The following AHRR variants were observed in gnomAD, a reference collection of about 807,000 sequenced individuals.
AHRR encodes the protein aryl hydrocarbon receptor repressor.
Under a neutral mutation model 44.0 loss-of-function variants are expected in AHRR, and 28 were observed. That is an observed-to-expected ratio of 0.64 (90% CI 0.47 to 0.87). The LOEUF (loss-of-function observed/expected upper bound fraction) is 0.87. Among genes scored for constraint, AHRR ranks in the 40% least tolerant of loss-of-function variants. The probability of loss-of-function intolerance (pLI) is 0.00; values close to 1 mark genes in which losing one functional copy is unlikely to be tolerated. For missense variants in AHRR, 990 were observed against 953.9 expected (o/e 1.04, Z -0.50); for synonymous variants, 434 against 407.0 (o/e 1.07, Z -0.80).
At chr5:328,029 G>A (rs1202527608) in intron 1 of AHRR, among the ~76,000 whole-genome samples, 4 of 152,062 alleles carry the variant, frequency 2.6e-5, no homozygotes, top group African/African-American at 7.2e-5. Context: ...GTGAGAACAT[G>A]CGGTGTTTGT....
intron 4 of AHRR, among the ~76,000 whole-genome samples, chr5:384,039 T>C (rs1280116757): frequency 6.6e-6 from 1 of 152,006 alleles, no homozygotes; most frequent in Non-Finnish European, 1.5e-5. Context: ...TGTGTTTGGG[T>C]CATGTGTCAT....
At chr5:379,222 G>C (rs1579643171) in intron 4 of AHRR, among the ~76,000 whole-genome samples, 1 of 152,182 alleles carries the variant, frequency 6.6e-6, no homozygotes. Flanking sequence ...CTGGTTTCTT[G>C]TTGTTGCTGC....
intron 8 of AHRR, among the ~76,000 whole-genome samples, chr5:428,347 C>G (rs57481959): frequency 0.1 from 15,801 of 152,286 alleles, 950 homozygotes; most frequent in Admixed American, 0.19. Flanking sequence ...CTTGGCTGCC[C>G]GCCCTTCACA....
chr5:433,829 A>C, intron 10 of AHRR, 24 bp from the exon 11 acceptor site: 1 of 1,475,826 alleles, frequency 6.8e-7, no homozygotes, highest in Non-Finnish European at 9.0e-7. Flanking sequence ...CTGCTGTCAA[A>C]TGGGCCCCGT....
chr5:432,368 C>G (rs995613988), intron 8 of AHRR, 95 bp from the exon 9 acceptor site: 7 of 1,225,838 alleles, frequency 5.7e-6, no homozygotes, highest in Non-Finnish European at 8.4e-6. Context: ...ACAGCAATAC[C>G]TGTCATTATT....
chr5:365,099 G>T (rs1042657830), intron 3 of AHRR, among the ~76,000 whole-genome samples: 2 of 151,504 alleles, frequency 1.3e-5, no homozygotes, highest in African/African-American at 4.9e-5. Context: ...GTAAATAAAA[G>T]CCAGTAAAGG....
At position 421,370 on chromosome 5, in the gene AHRR, C is replaced by T. The variant is rs372277656; in HGVS notation, c.442-1359C>T. ...GTATCATCCCTCCACGTGGAGTCCG[C>T]GCACAGTACCAGCCCCCACACGGAG... On this transcript the variant is annotated intron_variant, in intron 5 of 10. Coordinates refer to ENST00000684583, the MANE Select transcript of AHRR (RefSeq NM_001377236.1). 97 of 661,654 alleles carry T rather than the reference C, an allele frequency of 1.5e-4. 1 individual carries two copies. The highest frequency in any genetic ancestry group is 1.5e-3 in the East Asian group (51 of 34,844). The allele number at this position is 661,654 out of a possible 1,614,324, so 41.0% of individuals were successfully genotyped here.
At chr5:428,293 C>T (rs1484885508) in intron 8 of AHRR, among the ~76,000 whole-genome samples, 2 of 152,238 alleles carry the variant, frequency 1.3e-5, no homozygotes, top group Non-Finnish European at 2.9e-5. Flanking sequence ...CCCGTGTCCT[C>T]AAGAAAATGC....
chr5:323,041 A>T (rs1741559439), intron 1 of AHRR, among the ~76,000 whole-genome samples: 1 of 152,004 alleles, frequency 6.6e-6, no homozygotes, highest in African/African-American at 2.4e-5. Context: ...GCCCTGGCCG[A>T]CCCCTCTGTC....
intron 3 of AHRR, among the ~76,000 whole-genome samples, chr5:362,413 G>A (rs935077183): frequency 4.6e-5 from 7 of 152,216 alleles, no homozygotes; most frequent in Non-Finnish European, 8.8e-5. Flanking sequence ...TTCTCATCCT[G>A]CGGTGGGCAT....
chr5:375,532 C>T (rs553547824), intron 3 of AHRR, among the ~76,000 whole-genome samples: 3 of 152,364 alleles, frequency 2.0e-5, no homozygotes, highest in African/African-American at 4.8e-5. Context: ...CCGTGAAGGA[C>T]GGTGTGCTGG....
At chr5:382,591 A>G (rs1734028489) in intron 4 of AHRR, among the ~76,000 whole-genome samples, 1 of 151,900 alleles carries the variant, frequency 6.6e-6, no homozygotes, top group African/African-American at 2.4e-5. Flanking sequence ...TTTTTCAAAG[A>G]AGCAGCTATT....
At chr5:336,154 C>A (rs1217608793) in intron 1 of AHRR, among the ~76,000 whole-genome samples, 1 of 152,220 alleles carries the variant, frequency 6.6e-6, no homozygotes, top group Non-Finnish European at 1.5e-5. Flanking sequence ...CTCAGTCTCC[C>A]TAAATCCGAT....
intron 3 of AHRR, among the ~76,000 whole-genome samples, chr5:374,433 G>A (rs1743706286): frequency 6.6e-6 from 1 of 152,276 alleles, no homozygotes; most frequent in South Asian, 2.1e-4. Flanking sequence ...GGCTGAGCCT[G>A]GAGGGCAGGA....
At chr5:328,254 G>GTTTT (rs1741783616) in intron 1 of AHRR, among the ~76,000 whole-genome samples, 2 of 76,036 alleles carry the variant, frequency 2.6e-5, no homozygotes, top group African/African-American at 1.0e-4. Context: ...ACCAACATCT[G>GTTTT]ATTTTTTTTT....
rs113849153 is a variant in AHRR at position 430,117 on chromosome 5, A to G, written c.908+2111A>G. ...GTGGCAGGCGCGTTGGGGTGATCTT[A>G]AGTTGCAGTCACGTGTGTTGCCTTG... On this transcript the variant is annotated intron_variant, in intron 8 of 10. Coordinates refer to ENST00000684583, the MANE Select transcript of AHRR (RefSeq NM_001377236.1). Among the ~76,000 whole-genome samples, 68 of 152,254 alleles carry G rather than the reference A, an allele frequency of 4.5e-4. No homozygotes were observed. In the Middle Eastern group the frequency reaches 0.01, roughly 23 times the overall value.
At chr5:418,203 A>G (rs1369915141) in intron 5 of AHRR, among the ~76,000 whole-genome samples, 1 of 152,222 alleles carries the variant, frequency 6.6e-6, no homozygotes, top group Non-Finnish European at 1.5e-5. Context: ...ACTAAAGTAA[A>G]GACTGTCTTT....
chr5:409,037 T>C (rs1735375767), intron 4 of AHRR, among the ~76,000 whole-genome samples: 2 of 152,372 alleles, frequency 1.3e-5, no homozygotes, highest in South Asian at 2.1e-4. Flanking sequence ...TATTTATTAC[T>C]GTAGATTAGT....
At chr5:325,808 G>C (rs1269063530) in intron 1 of AHRR, among the ~76,000 whole-genome samples, 1 of 152,062 alleles carries the variant, frequency 6.6e-6, no homozygotes, top group Non-Finnish European at 1.5e-5. Context: ...TTGAGATGGA[G>C]TCCAGCTCTT....
Sources: gnomAD v4.1 joint callset for allele counts (sites outside exome capture counted in the v4.1 genomes callset) on GRCh38, gnomAD v4.1.1 for gene constraint, MANE v1.5 for transcripts, NCBI Gene and HGNC (gene_info 2026-07-23, HGNC 2026-07-21) for gene names.